The following EXD1 variants were observed in gnomAD, a reference collection of about 807,000 sequenced individuals.
The protein encoded by EXD1 is exonuclease 3'-5' domain containing 1.
Under a neutral mutation model 49.1 loss-of-function variants are expected in EXD1, and 63 were observed. The observed-to-expected ratio is 1.28, with a 90% confidence interval of 1.05 to 1.58. The LOEUF (loss-of-function observed/expected upper bound fraction) is 1.58. Among genes scored for constraint, EXD1 ranks in the 40% most tolerant of loss-of-function variants. The pLI is 0.00. For missense variants in EXD1, 748 were observed against 666.0 expected (o/e 1.12, Z -1.36); for synonymous variants, 234 against 239.2 (o/e 0.98, Z 0.20).
intron 1 of EXD1, among the ~76,000 whole-genome samples, chr15:41,227,282 T>G (rs1337805482): frequency 1.3e-5 from 2 of 152,228 alleles, no homozygotes; most frequent in Non-Finnish European, 2.9e-5. Context: ...GCTATCCTAT[T>G]AATTTTTATG....
intron 11 of EXD1, among the ~76,000 whole-genome samples, chr15:41,185,441 C>G (rs1388895218): frequency 6.6e-6 from 1 of 151,550 alleles, no homozygotes; most frequent in Non-Finnish European, 1.5e-5. Context: ...TAACACCTGG[C>G]CTTTAGTGAT....
chr15:41,224,387 TAA>T (rs753221055), intron 2 of EXD1, among the ~76,000 whole-genome samples: 1 of 152,174 alleles, frequency 6.6e-6, no homozygotes, highest in African/African-American at 2.4e-5. Flanking sequence ...TCCTAGCCCA[TAA>T]AAGTCTGTTT....
chr15:41,205,151 A>G (rs2046802361), intron 7 of EXD1, among the ~76,000 whole-genome samples: 1 of 152,078 alleles, frequency 6.6e-6, no homozygotes, highest in African/African-American at 2.4e-5. Context: ...TTCTCCTCTT[A>G]ATCTGCCTTT....
At chr15:41,211,341 G>A (rs1386811517) in intron 6 of EXD1, among the ~76,000 whole-genome samples, 2 of 151,842 alleles carry the variant, frequency 1.3e-5, no homozygotes, top group Non-Finnish European at 2.9e-5. Flanking sequence ...TAACTCCTGG[G>A]CTCAAGTGAT....
At chr15:41,216,517 G>A in intron 5 of EXD1, 151 bp downstream of exon 5, 1 of 772,946 alleles carries the variant, frequency 1.3e-6, no homozygotes, top group Non-Finnish European at 2.0e-6. Context: ...TGTAATCACA[G>A]CTACTATGGA....
At chr15:41,209,177 G>A (rs1190142816) in intron 7 of EXD1, among the ~76,000 whole-genome samples, 1 of 152,078 alleles carries the variant, frequency 6.6e-6, no homozygotes, top group Non-Finnish European at 1.5e-5. Flanking sequence ...TAATCCCAGT[G>A]ACTAGGGGGG....
Position 41,230,653 on chromosome 15 carries a change from C to A in EXD1, c.-228G>T, listed in dbSNP as rs61738065. The A allele has an allele frequency of 9.0e-4, 1,108 of 1,233,450 alleles. 8 individuals are homozygous for A. In the African/African-American group the frequency reaches 0.013, roughly 15 times the overall value. The allele number at this position is 1,233,450 out of a possible 1,614,324, so 76.4% of individuals were successfully genotyped here. ...TCTCGGGACGCTCCACGCCACCCGG[C>A]GGCGGTTATCAAATCACAGGCTGAA... On this transcript the variant is annotated 5_prime_UTR_variant, in exon 1 of 12. Transcript: ENST00000458580.
At position 41,195,839 on chromosome 15, in the gene EXD1, C is replaced by T. The variant is rs564891248; in HGVS notation, c.656G>A (p.Arg219His). Residue 219 changes from arginine to histidine, a missense_variant, in exon 9 of 12, where the codon CGT (arginine) becomes CAT (histidine). Coordinates refer to ENST00000458580, the MANE Select transcript of EXD1 (RefSeq NM_001286441.2). ...ATGAGAGAGGCAATCAGAAAGCCAA[C>T]GACAATCATGGATAACCTAAGGAAT... ...KRILKVIHDC[R>H]WLSDCLSHQY... 3.7e-5 allele frequency: 59 copies of T among 1,613,434 alleles called. No homozygotes were observed. The highest frequency in any genetic ancestry group is 3.1e-4 in the East Asian group (14 of 44,858).
chr15:41,209,538 G>C lies in EXD1; in HGVS notation c.497C>G (p.Ala166Gly). The change falls in exon 7 of 12, where the codon GCG (alanine) becomes GGG (glycine). Residue 166 changes from alanine (A) to glycine (G), a missense_variant. Ala to Gly is a moderately conservative substitution (Grantham distance 60, BLOSUM62 0). Coordinates refer to ENST00000458580, the MANE Select transcript of EXD1 (RefSeq NM_001286441.2). ...CAGTTTGCCATGGCGACATACATTC[G>C]CTCCTTCTGCTGCCACACTCAGGAC... ...QNVLSVAAEGANVCRHGKLCW... is the reference protein window; with the variant it reads ...QNVLSVAAEGGNVCRHGKLCW... The C allele has an allele frequency of 6.2e-7, 1 of 1,614,052 alleles. No individual in the cohort carries two copies. The highest frequency in any genetic ancestry group is 8.5e-7 in the Non-Finnish European group (1 of 1,179,990).
At chr15:41,213,484 C>A (rs1402768223) in intron 6 of EXD1, among the ~76,000 whole-genome samples, 1 of 131,966 alleles carries the variant, frequency 7.6e-6, no homozygotes, top group Non-Finnish European at 1.6e-5. Flanking sequence ...CAGGCATGAG[C>A]CACCGTGTCC....
chr15:41,225,559 T>A (rs2047149041), intron 2 of EXD1, among the ~76,000 whole-genome samples: 1 of 139,458 alleles, frequency 7.2e-6, no homozygotes, highest in South Asian at 2.3e-4. Context: ...CACTCTAGCC[T>A]GGGCAACAAG....
intron 6 of EXD1, among the ~76,000 whole-genome samples, chr15:41,215,462 G>A (rs1270399457): frequency 2.0e-5 from 3 of 152,094 alleles, no homozygotes; most frequent in South Asian, 4.1e-4. Context: ...CGAGGCGGGT[G>A]GATCACGAGG....
intron 6 of EXD1, among the ~76,000 whole-genome samples, chr15:41,213,308 TCTC>T (rs1294555786): frequency 6.6e-6 from 1 of 151,142 alleles, no homozygotes; most frequent in Non-Finnish European, 1.5e-5. Context: ...TTCAAGCAAT[TCTC>T]CTGCCTCAGC....
chr15:41,201,030 C>A (rs2046720945), intron 7 of EXD1, among the ~76,000 whole-genome samples: 1 of 151,872 alleles, frequency 6.6e-6, no homozygotes, highest in African/African-American at 2.4e-5. Context: ...CGTGCCACCA[C>A]ACCCGGCTAA....
chr15:41,223,445 G>A (rs2047119253), intron 2 of EXD1, among the ~76,000 whole-genome samples: 1 of 151,470 alleles, frequency 6.6e-6, no homozygotes, highest in Non-Finnish European at 1.5e-5. Context: ...TCGGGGCTGG[G>A]TGTGGTGGCT....
intron 2 of EXD1, among the ~76,000 whole-genome samples, chr15:41,221,815 T>G (rs2047092981): frequency 6.6e-6 from 1 of 151,988 alleles, no homozygotes; most frequent in South Asian, 2.1e-4. Flanking sequence ...AGAACAGACT[T>G]ACTAAGGCCA....
At chr15:41,217,408 C>T (rs1030194613) in intron 3 of EXD1, among the ~76,000 whole-genome samples, 1 of 152,154 alleles carries the variant, frequency 6.6e-6, no homozygotes, top group African/African-American at 2.4e-5. Flanking sequence ...TCTATACATC[C>T]CCTTCACCCT....
Position 41,208,028 on chromosome 15 carries a change from AAGAG to A in EXD1, c.534+1469_534+1472del, listed in dbSNP as rs1387387329. Among the ~76,000 whole-genome samples, 9 of 151,736 alleles carry A rather than the reference AAGAG, an allele frequency of 5.9e-5. No homozygotes were observed. The East Asian group carries it at 1.7e-3, about 29-fold the overall frequency. On this transcript the variant is annotated intron_variant, in intron 7 of 11. Transcript: ENST00000458580. Reference sequence around the variant, plus strand: ...CCTGCCTCAAAAAAAAAAAAAAAGAAAGAGAGAAAACAAAAAGAAAGGACAGCTG... The same window carrying A: ...CCTGCCTCAAAAAAAAAAAAAAAGAAAGAAAACAAAAAGAAAGGACAGCTG...
At chr15:41,230,010 G>A (rs2047214776) in intron 1 of EXD1, among the ~76,000 whole-genome samples, 1 of 151,984 alleles carries the variant, frequency 6.6e-6, no homozygotes, top group African/African-American at 2.4e-5. Flanking sequence ...CAGGTGTGAA[G>A]GGGTAAGGCA....
Sources: allele counts gnomAD v4.1 joint callset (sites outside exome capture counted in the v4.1 genomes callset), GRCh38; gene constraint gnomAD v4.1.1; transcripts MANE v1.5; gene names NCBI Gene and HGNC (gene_info 2026-07-23, HGNC 2026-07-21).